The following LINGO2 variants were observed in gnomAD, a reference collection of about 807,000 sequenced individuals.
LINGO2 encodes the protein leucine-rich repeat and immunoglobulin-like domain-containing nogo receptor-interacting protein 2.
In LINGO2, 14 loss-of-function variants were observed where a neutral mutation model predicts 30.6. That is an observed-to-expected ratio of 0.46 (90% CI 0.30 to 0.72). LINGO2 has a LOEUF of 0.72. LINGO2 is among the 30% of genes least tolerant of loss of function. The pLI, the probability that LINGO2 is intolerant of heterozygous loss-of-function variation, is 0.07. For synonymous variants in LINGO2, 317 were observed against 288.5 expected, an observed-to-expected ratio of 1.10 and a Z score of -1.00; for missense variants, 729 against 751.7, an observed-to-expected ratio of 0.97 and a Z score of 0.35.
the LINGO2 span, among the ~76,000 whole-genome samples, chr9:28,773,148 G>A: frequency 6.6e-6 from 1 of 152,092 alleles, no homozygotes; most frequent in South Asian, 2.1e-4. Flanking sequence ...GGTGGATCAC[G>A]ACGTCAGGAG....
intron 1 of LINGO2, among the ~76,000 whole-genome samples, chr9:28,523,193 A>C (rs189224843): frequency 2.4e-4 from 36 of 152,236 alleles, no homozygotes; most frequent in African/African-American, 8.7e-4. Context: ...ACACCATATA[A>C]ATAGAATAAG....
At chr9:29,023,620 T>C in the LINGO2 span, among the ~76,000 whole-genome samples, 1 of 152,026 alleles carries the variant, frequency 6.6e-6, no homozygotes, top group Admixed American at 6.6e-5. Flanking sequence ...TTAGGTAAAA[T>C]TTAATGTTAA....
chr9:28,814,686 GA>G, the LINGO2 span, among the ~76,000 whole-genome samples: 4 of 152,136 alleles, frequency 2.6e-5, no homozygotes, highest in South Asian at 8.3e-4. Flanking sequence ...AGGAGTTCGA[GA>G]CCAGCCTGGC....
intron 1 of LINGO2, among the ~76,000 whole-genome samples, chr9:28,563,056 G>A (rs1227965295): frequency 1.3e-5 from 2 of 151,848 alleles, no homozygotes; most frequent in Admixed American, 6.6e-5. Flanking sequence ...CATGTTGGCC[G>A]GGCTGGTCTC....
intron 4 of LINGO2, among the ~76,000 whole-genome samples, chr9:28,261,737 C>T (rs1372348224): frequency 6.6e-6 from 1 of 151,758 alleles, no homozygotes; most frequent in Non-Finnish European, 1.5e-5. Flanking sequence ...CATGCAATTG[C>T]CCAGTGAAGG....
At chr9:28,712,116 T>TAATA in the LINGO2 span, among the ~76,000 whole-genome samples, 1 of 152,094 alleles carries the variant, frequency 6.6e-6, no homozygotes, top group South Asian at 2.1e-4. Context: ...ATGTAAAAGC[T>TAATA]AATAAAGTAA....
At chr9:29,026,358 C>T in the LINGO2 span, among the ~76,000 whole-genome samples, 1 of 152,088 alleles carries the variant, frequency 6.6e-6, no homozygotes, top group African/African-American at 2.4e-5. Context: ...AATCAAGTTT[C>T]CACATTTGTC....
chr9:28,642,855 G>A (rs1225060696), intron 1 of LINGO2, among the ~76,000 whole-genome samples: 3 of 152,062 alleles, frequency 2.0e-5, no homozygotes, highest in African/African-American at 7.2e-5. Context: ...TAAATTCAAG[G>A]CAGATTTTGT....
the LINGO2 span, among the ~76,000 whole-genome samples, chr9:28,874,921 A>G: frequency 6.6e-6 from 1 of 152,116 alleles, no homozygotes; most frequent in Non-Finnish European, 1.5e-5. Context: ...GTTTCTGAGA[A>G]AGGTTGTACT....
chr9:28,193,833 G>A (rs1044806320), intron 4 of LINGO2, among the ~76,000 whole-genome samples: 1 of 152,148 alleles, frequency 6.6e-6, no homozygotes, highest in Non-Finnish European at 1.5e-5. Context: ...GAGTAACTAG[G>A]AGCTGCCCAG....
At chr9:28,875,875 T>G in the LINGO2 span, among the ~76,000 whole-genome samples, 1 of 152,160 alleles carries the variant, frequency 6.6e-6, no homozygotes, top group Admixed American at 6.6e-5. Context: ...GTCCTAATGC[T>G]TAATACATTT....
At chr9:27,954,092 T>A (rs77634576) in intron 5 of LINGO2, among the ~76,000 whole-genome samples, 2 of 152,322 alleles carry the variant, frequency 1.3e-5, no homozygotes, top group East Asian at 3.9e-4. Flanking sequence ...ATAATATTTG[T>A]ACGTATTTAT....
chr9:28,038,237 T>TA (rs1824031098), intron 4 of LINGO2, among the ~76,000 whole-genome samples: 2 of 43,394 alleles, frequency 4.6e-5, no homozygotes, highest in Admixed American at 5.6e-4. Context: ...CATTTAAGTA[T>TA]CCATTAAGTG....
intron 2 of LINGO2, among the ~76,000 whole-genome samples, chr9:28,377,056 T>C (rs1032823417): frequency 2.0e-5 from 3 of 150,908 alleles, no homozygotes; most frequent in Non-Finnish European, 2.9e-5. Context: ...TGTTAGTAGA[T>C]ATGTACAAAC....
chr9:28,921,008 C>T, the LINGO2 span, among the ~76,000 whole-genome samples: 4 of 152,160 alleles, frequency 2.6e-5, no homozygotes, highest in African/African-American at 9.6e-5. Context: ...TAACTACTCA[C>T]TGAAAAACAT....
At chr9:28,524,550 C>T (rs1213622753) in intron 1 of LINGO2, among the ~76,000 whole-genome samples, 1 of 152,092 alleles carries the variant, frequency 6.6e-6, no homozygotes, top group Admixed American at 6.6e-5. Context: ...GTCAGGAGTT[C>T]AAGACCAGTC....
chr9:28,249,542 G>A (rs1175501954), intron 4 of LINGO2, among the ~76,000 whole-genome samples: 2 of 151,974 alleles, frequency 1.3e-5, no homozygotes, highest in Admixed American at 1.3e-4. Flanking sequence ...AAATTAATGG[G>A]CCTTAAGAAT....
In LINGO2 at chr9:28,548,488, G is replaced by A. The variant is rs553060967; in HGVS notation, c.-364-72463C>T. Among the ~76,000 whole-genome samples, 21 of 151,966 alleles carry A rather than the reference G, an allele frequency of 1.4e-4. No individual in the cohort carries two copies. In the South Asian group the frequency reaches 3.3e-3, roughly 24 times the overall value. On this transcript the variant is annotated intron_variant, in intron 1 of 5. Transcript: ENST00000379992. The stretch of plus-strand genomic sequence containing the variant: ...TGGGAGGCCGAGACGGGTGGTTCAC[G>A]AGGGCAAGAGATTGAGGCCATCCTG...
At chr9:28,810,496 G>T in the LINGO2 span, among the ~76,000 whole-genome samples, 1 of 152,144 alleles carries the variant, frequency 6.6e-6, no homozygotes, top group South Asian at 2.1e-4. Flanking sequence ...GGCCAGGATG[G>T]TTATGAGAAT....
Sources: gnomAD v4.1 joint callset for allele counts (sites outside exome capture counted in the v4.1 genomes callset) on GRCh38, gnomAD v4.1.1 for gene constraint, MANE v1.5 for transcripts, NCBI Gene and HGNC (gene_info 2026-07-23, HGNC 2026-07-21) for gene names.